The following APCDD1L variants were observed in gnomAD, a reference collection of about 807,000 sequenced individuals.
The protein encoded by APCDD1L is protein APCDD1-like.
APCDD1L carries 21 observed loss-of-function variants against 24.2 expected under a neutral mutation model. The ratio of observed to expected loss-of-function variants is 0.87; its 90% CI spans 0.61 to 1.25. The LOEUF (loss-of-function observed/expected upper bound fraction) is 1.25, where lower values mean the gene tolerates loss of function less well. Ranked by LOEUF, APCDD1L falls within the 50% of genes most tolerant of loss-of-function variation. The probability of loss-of-function intolerance (pLI) is 0.00; values close to 1 mark genes in which losing one functional copy is unlikely to be tolerated. For synonymous variants in APCDD1L, 321 were observed against 323.6 expected, an observed-to-expected ratio of 0.99 and a Z score of 0.09; for missense variants, 704 against 711.7, an observed-to-expected ratio of 0.99 and a Z score of 0.12.
intron 1 of APCDD1L, among the ~76,000 whole-genome samples, chr20:58,489,633 G>A (rs1041836547): frequency 2.3e-4 from 34 of 150,290 alleles, no homozygotes; most frequent in Middle Eastern, 3.6e-3. Context: ...GCAGTCAGCC[G>A]AGATCACGCC....
chr20:58,508,875 A>T lies in APCDD1L; in HGVS notation c.49+5784T>A, dbSNP rs1244524591. On this transcript the variant is annotated intron_variant, in intron 1 of 3. Coordinates refer to ENST00000371149, the MANE Select transcript of APCDD1L (RefSeq NM_153360.3). This position sits in a 1 kb window ranked among gnomAD's most constrained non-coding sequence, Gnocchi z 4.0. ...GGAGAGTGAGGGGTGCCGTGCAGAA[A>T]GGCAGAGCGGGGTACTGGGAAAGAC... Among the ~76,000 whole-genome samples, 1 of 152,122 alleles carries T rather than the reference A, an allele frequency of 6.6e-6. No individual in the cohort carries two copies. Among genetic ancestry groups the T allele is most frequent in the Non-Finnish European group, 1.5e-5 (1 of 68,020 alleles).
Position 58,467,546 on chromosome 20 carries a change from C to T in APCDD1L, c.301G>A (p.Ala101Thr), listed in dbSNP as rs1326014051. 1.3e-6 allele frequency: 2 copies of T among 1,586,892 alleles called. No homozygotes were observed. The highest frequency in any genetic ancestry group is 8.6e-7 in the Non-Finnish European group (1 of 1,166,630). Residue 101 changes from alanine (A) to threonine (T), a missense_variant, in exon 3 of 4, where the codon GCC becomes ACC. Coordinates refer to ENST00000371149, the MANE Select transcript of APCDD1L (RefSeq NM_153360.3). This position sits in a 1 kb window ranked among gnomAD's most constrained non-coding sequence, Gnocchi z 5.9. ...TTGCCCTTGACGAGCAGCGAGTGGG[C>T]AGGTTCCCCGCAGAAGGGGTCCTCG... ...YYEDPFCGEP[A>T]HSLLVKGKVR... is the part of the protein sequence containing the mutation.
At chr20:58,470,486 G>A (rs1478190166) in intron 2 of APCDD1L, 123 bp downstream of exon 2, 7 of 1,328,648 alleles carry the variant, frequency 5.3e-6, no homozygotes, top group Non-Finnish European at 7.0e-6. Flanking sequence ...CAGCAGCTTG[G>A]CAGGTAGAAG....
At chr20:58,489,246 A>ACAAT (rs1990178463) in intron 1 of APCDD1L, among the ~76,000 whole-genome samples, 2 of 152,144 alleles carry the variant, frequency 1.3e-5, no homozygotes, top group African/African-American at 4.8e-5. Flanking sequence ...AAACAAACAA[A>ACAAT]ACCAGGCAGA....
chr20:58,482,455 T>C (rs937823223), intron 1 of APCDD1L, among the ~76,000 whole-genome samples: 4 of 152,242 alleles, frequency 2.6e-5, no homozygotes, highest in African/African-American at 4.8e-5. Context: ...GGAAAATGTG[T>C]TGGCTTCCTA....
intron 1 of APCDD1L, among the ~76,000 whole-genome samples, chr20:58,482,080 C>T (rs1202791004): frequency 1.3e-5 from 2 of 152,178 alleles, no homozygotes; most frequent in African/African-American, 4.8e-5. Flanking sequence ...TCAGCTGCGA[C>T]GGGAAGCACT....
chr20:58,475,843 C>A (rs145229881), intron 1 of APCDD1L, among the ~76,000 whole-genome samples: 2 of 152,270 alleles, frequency 1.3e-5, no homozygotes, highest in Non-Finnish European at 2.9e-5. Context: ...CTGGTCTCTA[C>A]CCCCATCTTC....
intron 2 of APCDD1L, among the ~76,000 whole-genome samples, chr20:58,469,779 C>T (rs1989777840): frequency 6.6e-6 from 1 of 152,204 alleles, no homozygotes. Flanking sequence ...TCTGCCTGAC[C>T]TCAGGAGGTA....
Sources: gnomAD v4.1 joint callset for allele counts (sites outside exome capture counted in the v4.1 genomes callset) on GRCh38, gnomAD v4.1.1 for gene constraint, Gnocchi (gnomAD v3.1) non-coding constraint, MANE v1.5 for transcripts, NCBI Gene and HGNC (gene_info 2026-07-23, HGNC 2026-07-21) for gene names.